CSMD1: variants seen among roughly 807,000 people sequenced by gnomAD.
CSMD1 encodes the protein CUB and Sushi multiple domains 1.
Under a neutral mutation model 417.5 loss-of-function variants are expected in CSMD1, and 213 were observed. The ratio of observed to expected loss-of-function variants is 0.51; its 90% CI spans 0.46 to 0.57. The LOEUF (loss-of-function observed/expected upper bound fraction) is 0.57. CSMD1 is among the 20% of genes least tolerant of loss of function. CSMD1 has a pLI of 0.00. For synonymous variants in CSMD1, 2,862 were observed against 1,736.8 expected, an observed-to-expected ratio of 1.65 and a Z score of -16.11; for missense variants, 6,923 against 4,529.7, an observed-to-expected ratio of 1.53 and a Z score of -15.17.
chr8:4,590,169 C>A (rs1447123694), intron 2 of CSMD1, among the ~76,000 whole-genome samples: 2 of 150,208 alleles, frequency 1.3e-5, no homozygotes, highest in African/African-American at 5.0e-5. Flanking sequence ...ATTCTTTATG[C>A]TGTTTTTTTT....
rs1049353060 is a variant in CSMD1, at chr8:3,546,911, T to C, written c.1344+28034A>G. On this transcript the variant is annotated intron_variant, in intron 10 of 69. Transcript: ENST00000635120. ...ACTGTGAAAATGTTTCCACTGCTGC[T>C]TGAGTTTAGATGGAGGGAGGATATC... Among the ~76,000 whole-genome samples the C allele has an allele frequency of 1.3e-5, 2 of 152,220 alleles. 1 individual carries two copies. Among genetic ancestry groups the C allele is most frequent in the African/African-American group, 4.8e-5 (2 of 41,450 alleles).
At chr8:3,934,960 A>C (rs1345836803) in intron 5 of CSMD1, among the ~76,000 whole-genome samples, 2 of 152,070 alleles carry the variant, frequency 1.3e-5, no homozygotes, top group African/African-American at 4.8e-5. Context: ...ATTTACAAAA[A>C]ACTAACCAGG....
intron 5 of CSMD1, among the ~76,000 whole-genome samples, chr8:3,933,645 G>C (rs561647659): frequency 1.3e-5 from 2 of 152,250 alleles, no homozygotes; most frequent in South Asian, 2.1e-4. Context: ...ATATTGAAGA[G>C]ATTTCAGAAA....
chr8:3,563,149 C>T (rs1799542063), intron 10 of CSMD1, among the ~76,000 whole-genome samples: 1 of 151,800 alleles, frequency 6.6e-6, no homozygotes, highest in Non-Finnish European at 1.5e-5. Context: ...ATTTCATTGT[C>T]CTAATGTATT....
At chr8:3,477,051 G>A (rs62474175) in intron 11 of CSMD1, among the ~76,000 whole-genome samples, 92,858 of 151,680 alleles carry the variant, frequency 0.61, 29,142 homozygotes, top group Middle Eastern at 0.74. Flanking sequence ...TGGTTACACA[G>A]ATCTATACAT....
chr8:4,464,159 C>T (rs1024769307), intron 2 of CSMD1, among the ~76,000 whole-genome samples: 1 of 152,254 alleles, frequency 6.6e-6, no homozygotes, highest in Non-Finnish European at 1.5e-5. Flanking sequence ...TGGAATTCTA[C>T]TTCCTCTCTA....
rs62504973 is a variant in CSMD1, at chr8:3,239,860, G to A, written c.4154-9629C>T. ...AGAGTTATAGTCATAGGGGTCAGGTGTGGTATCCAGAATAATGTGGGAGGC... is the reference window on the plus strand; with the variant it reads ...AGAGTTATAGTCATAGGGGTCAGGTATGGTATCCAGAATAATGTGGGAGGC... On this transcript the variant is annotated intron_variant, in intron 26 of 69. Transcript: ENST00000635120. Among the ~76,000 whole-genome samples, 470 of 152,224 alleles carry A rather than the reference G, an allele frequency of 3.1e-3. 1 individual carries two copies. Among genetic ancestry groups the A allele is most frequent in the Admixed American group, 7.5e-3 (114 of 15,280 alleles).
intron 1 of CSMD1, among the ~76,000 whole-genome samples, chr8:4,773,863 A>C (rs898101031): frequency 1.8e-4 from 27 of 152,198 alleles, no homozygotes; most frequent in African/African-American, 6.5e-4. Context: ...TTTGAAACTC[A>C]CCAGTGCCCA....
chr8:4,374,625 G>A (rs1333899904), intron 3 of CSMD1, among the ~76,000 whole-genome samples: 4 of 152,238 alleles, frequency 2.6e-5, no homozygotes, highest in Non-Finnish European at 2.9e-5. Flanking sequence ...AAAGCCAGGA[G>A]CATGAAGTTG....
At chr8:4,474,515 G>C (rs557311936) in intron 2 of CSMD1, among the ~76,000 whole-genome samples, 2 of 152,336 alleles carry the variant, frequency 1.3e-5, no homozygotes, top group Admixed American at 6.5e-5. Context: ...GAGCAGATTA[G>C]TACAAACTTT....
At chr8:4,378,391 C>T (rs185640465) in intron 3 of CSMD1, among the ~76,000 whole-genome samples, 33 of 152,310 alleles carry the variant, frequency 2.2e-4, no homozygotes, top group East Asian at 1.2e-3. Context: ...CTCGTTTGCA[C>T]GCAAGTTGGC....
chr8:3,321,020 C>T (rs757747105), intron 23 of CSMD1, among the ~76,000 whole-genome samples: 1 of 152,144 alleles, frequency 6.6e-6, no homozygotes, highest in Non-Finnish European at 1.5e-5. Flanking sequence ...AATGGCCTCG[C>T]TTTTGTATTT....
chr8:4,428,279 C>A (rs1201266381), intron 2 of CSMD1, among the ~76,000 whole-genome samples: 1 of 152,184 alleles, frequency 6.6e-6, no homozygotes, highest in Non-Finnish European at 1.5e-5. Context: ...AAAATCAGGA[C>A]AGCTTGTACC....
At chr8:3,620,088 C>T (rs1802348440) in intron 7 of CSMD1, among the ~76,000 whole-genome samples, 2 of 151,880 alleles carry the variant, frequency 1.3e-5, no homozygotes, top group South Asian at 2.1e-4. Flanking sequence ...GGCAACAGAG[C>T]AAGGCTCCAA....
In CSMD1 at chr8:3,872,153, C is replaced by T. The variant is rs914074084; in HGVS notation, c.819-118111G>A. Among the ~76,000 whole-genome samples the T allele has an allele frequency of 3.3e-5, 5 of 152,162 alleles. No individual in the cohort carries two copies. In the South Asian group the frequency reaches 8.3e-4, roughly 25 times the overall value. On this transcript the variant is annotated intron_variant, in intron 5 of 69. Transcript: ENST00000635120. The stretch of plus-strand genomic sequence containing the variant: ...TTTTTCTCATTTCATGTTGTTTTAA[C>T]CCGTGTTTGGATCCTCAGTTAAATT...
At chr8:3,566,345 C>A (rs973417461) in intron 10 of CSMD1, among the ~76,000 whole-genome samples, 17 of 152,076 alleles carry the variant, frequency 1.1e-4, no homozygotes, top group Non-Finnish European at 2.4e-4. Context: ...ATATTCCTCA[C>A]AACAAAATTT....
intron 5 of CSMD1, among the ~76,000 whole-genome samples, chr8:3,982,614 A>G (rs1168669870): frequency 9.2e-6 from 1 of 109,006 alleles, no homozygotes; most frequent in African/African-American, 3.3e-5. Context: ...TACTGCTGAG[A>G]GAGAAAAAAA....
At chr8:4,202,831 A>G (rs1422990163) in intron 3 of CSMD1, among the ~76,000 whole-genome samples, 1 of 152,248 alleles carries the variant, frequency 6.6e-6, no homozygotes. Flanking sequence ...GAGGGCAGTG[A>G]AGCTGAAACT....
intron 54 of CSMD1, among the ~76,000 whole-genome samples, chr8:2,992,587 C>T (rs963091354): frequency 1.7e-4 from 25 of 150,886 alleles, no homozygotes; most frequent in African/African-American, 6.2e-4. Context: ...CCACACCTGG[C>T]TAATTTTTTT....
Sources: gnomAD v4.1 joint callset for allele counts (sites outside exome capture counted in the v4.1 genomes callset) on GRCh38, gnomAD v4.1.1 for gene constraint, MANE v1.5 for transcripts, NCBI Gene and HGNC (gene_info 2026-07-23, HGNC 2026-07-21) for gene names.